ASIP: variants seen among roughly 807,000 people sequenced by gnomAD.
ASIP encodes the protein agouti signaling protein, also known as agouti-signaling protein.
ASIP carries 11 observed loss-of-function variants against 10.3 expected under a neutral mutation model. The observed-to-expected ratio is 1.07, with a 90% CI of 0.68 to 1.78. The LOEUF (loss-of-function observed/expected upper bound fraction) is 1.78, where lower values mean the gene tolerates loss of function less well. Among genes scored for constraint, ASIP ranks in the 40% most tolerant of loss-of-function variants. ASIP has a pLI of 0.00. For missense variants in ASIP, 180 were observed against 169.2 expected (o/e 1.06, Z -0.35); for synonymous variants, 70 against 70.8 (o/e 0.99, Z 0.06).
At chr20:34,213,773 C>A in intron 1 of ASIP, 2 of 1,507,432 alleles carry the variant, frequency 1.3e-6, no homozygotes, top group Non-Finnish European at 1.8e-6. Context: ...CTGAGAATAC[C>A]CTTTTGTAAG....
chr20:34,205,675 T>C (rs2034931409), intron 1 of ASIP, among the ~76,000 whole-genome samples: 1 of 138,140 alleles, frequency 7.2e-6, no homozygotes, highest in Admixed American at 7.0e-5. Context: ...GATTTCTCCA[T>C]TTTACAGAGC....
chr20:34,257,984 A>C (rs2035602038), intron 1 of ASIP, among the ~76,000 whole-genome samples: 1 of 152,122 alleles, frequency 6.6e-6, no homozygotes, highest in Non-Finnish European at 1.5e-5. Context: ...TCTCTACAAA[A>C]AATACAAAAA....
At chr20:34,255,903 CGG>C (rs1409789988) in intron 1 of ASIP, among the ~76,000 whole-genome samples, 1 of 152,062 alleles carries the variant, frequency 6.6e-6, no homozygotes, top group Non-Finnish European at 1.5e-5. Context: ...TCCCTTTCCC[CGG>C]GGGAGTTAGA....
intron 1 of ASIP, among the ~76,000 whole-genome samples, chr20:34,196,040 A>G (rs1054840076): frequency 6.6e-6 from 1 of 152,114 alleles, no homozygotes; most frequent in Admixed American, 6.6e-5. Context: ...TTCTCTTCCA[A>G]GCACTTCTGC....
intron 1 of ASIP, chr20:34,234,790 G>C (rs1034249592): frequency 2.0e-5 from 3 of 152,330 alleles, no homozygotes; most frequent in Admixed American, 6.5e-5. Context: ...CTCCAGCCTG[G>C]GTGACAGAGC....
intron 2 of ASIP, 36 bp downstream of exon 2, chr20:34,260,570 A>G (rs112393174): frequency 1.3e-6 from 2 of 1,557,036 alleles, no homozygotes; most frequent in South Asian, 1.2e-5. Context: ...GGCCCAGGAG[A>G]GGGGCTGCAG....
chr20:34,254,597 T>C (rs561051627), intron 1 of ASIP, among the ~76,000 whole-genome samples: 1 of 152,346 alleles, frequency 6.6e-6, no homozygotes, highest in African/African-American at 2.4e-5. Context: ...ATTCATAGTC[T>C]GTATTCATCC....
intron 1 of ASIP, among the ~76,000 whole-genome samples, chr20:34,235,528 C>G (rs2035168952): frequency 6.6e-6 from 1 of 152,102 alleles, no homozygotes; most frequent in Non-Finnish European, 1.5e-5. Context: ...TATGGAGAAA[C>G]TTCTAATGAC....
intron 1 of ASIP, among the ~76,000 whole-genome samples, chr20:34,246,871 C>A (rs1232085014): frequency 1.3e-5 from 2 of 152,172 alleles, no homozygotes; most frequent in African/African-American, 4.8e-5. Flanking sequence ...TTTCTCCTCT[C>A]TCCTTTCCTT....
intron 1 of ASIP, among the ~76,000 whole-genome samples, chr20:34,253,488 T>C (rs1290807199): frequency 6.6e-6 from 1 of 151,432 alleles, no homozygotes; most frequent in Non-Finnish European, 1.5e-5. Flanking sequence ...TATTTATTTT[T>C]TAGAGACAGA....
chr20:34,218,520 T>C lies in ASIP; in HGVS notation c.-11+23760T>C, dbSNP rs1224499959. Among the ~76,000 whole-genome samples, 5 of 152,220 alleles carry C rather than the reference T, an allele frequency of 3.3e-5. No homozygotes were observed. The East Asian group carries it at 5.8e-4, about 18-fold the overall frequency. On this transcript the variant is annotated intron_variant, in intron 1 of 3. Transcript: ENST00000568305. ...GAGCAATAGCAGCATGCAGGTCTTA[T>C]AGCTGGATACTTCTGGGGAGCACTC... is the stretch of plus-strand genomic sequence containing the variant.
rs56017072 is a variant in ASIP at position 34,258,700 on chromosome 20, A to ACACACATAC, written c.-10-1665_-10-1664insCACACATAC. 1.4e-4 allele frequency among the ~76,000 whole-genome samples: 11 copies of ACACACATAC among 77,922 alleles called. 3 individuals carry two copies. In the South Asian group the frequency reaches 1.7e-3, roughly 12 times the overall value. 51.1% of individuals were successfully genotyped at this position (77,922 alleles called of 152,430 possible). A position where few individuals can be genotyped will look rare whatever the true frequency, so the allele number is the denominator to read the frequency against. On this transcript the variant is annotated intron_variant, in intron 1 of 3. Coordinates refer to ENST00000374954, the MANE Select transcript of ASIP (RefSeq NM_001672.3). ...ATATATATATATATATACATACTAT[A>ACACACATAC]TATATATATTATATATATTATAAAA...
chr20:34,245,158 A>C (rs2035349408), intron 1 of ASIP, among the ~76,000 whole-genome samples: 1 of 151,244 alleles, frequency 6.6e-6, no homozygotes, highest in Non-Finnish European at 1.5e-5. Context: ...ACATGATGAA[A>C]CCCCGTCGCT....
At chr20:34,212,485 G>A (rs558862974) in intron 1 of ASIP, among the ~76,000 whole-genome samples, 206 of 152,100 alleles carry the variant, frequency 1.4e-3, no homozygotes, top group Non-Finnish European at 2.5e-3. Flanking sequence ...ATTTTCTTAA[G>A]TAACCATGGT....
intron 1 of ASIP, among the ~76,000 whole-genome samples, chr20:34,221,105 G>A (rs957063025): frequency 6.6e-6 from 1 of 152,006 alleles, no homozygotes; most frequent in African/African-American, 2.4e-5. Flanking sequence ...AGGGCCAGGC[G>A]CGATGGCTCA....
intron 1 of ASIP, among the ~76,000 whole-genome samples, chr20:34,210,911 T>C: frequency 6.6e-6 from 1 of 152,240 alleles, no homozygotes; most frequent in Non-Finnish European, 1.5e-5. Context: ...TATTTGGTCA[T>C]GGAGTATTAG....
At chr20:34,267,123 A>C (rs1035031084) in intron 3 of ASIP, among the ~76,000 whole-genome samples, 4 of 152,236 alleles carry the variant, frequency 2.6e-5, no homozygotes, top group Non-Finnish European at 4.4e-5. Context: ...TATGCTAAGC[A>C]CTGGGAACAT....
chr20:34,223,229 C>G (rs2035063147), intron 1 of ASIP, among the ~76,000 whole-genome samples: 1 of 151,418 alleles, frequency 6.6e-6, no homozygotes, highest in Non-Finnish European at 1.5e-5. Flanking sequence ...TGAGGAGCGT[C>G]TCTGCCCGGC....
chr20:34,220,363 G>A (rs922364157), intron 1 of ASIP, among the ~76,000 whole-genome samples: 2 of 152,204 alleles, frequency 1.3e-5, no homozygotes, highest in Non-Finnish European at 1.5e-5. Context: ...TTGGGAGGCT[G>A]AGGCAGGCTG....
Sources: gnomAD v4.1 joint callset for allele counts (sites outside exome capture counted in the v4.1 genomes callset) on GRCh38, gnomAD v4.1.1 for gene constraint, MANE v1.5 for transcripts, NCBI Gene and HGNC (gene_info 2026-07-23, HGNC 2026-07-21) for gene names.